The following TTLL6 variants were observed in gnomAD, a reference collection of about 807,000 sequenced individuals.
TTLL6 encodes the protein tubulin tyrosine ligase like 6.
A neutral mutation model predicts 96.4 loss-of-function variants in TTLL6; 75 were observed. The ratio of observed to expected loss-of-function variants is 0.78; its 90% CI spans 0.65 to 0.94. The LOEUF (loss-of-function observed/expected upper bound fraction) is 0.94, where lower values mean the gene tolerates loss of function less well. Ranked by LOEUF, TTLL6 falls within the 40% of genes least tolerant of loss-of-function variation. TTLL6 has a pLI of 0.00. For synonymous variants in TTLL6, 411 were observed against 419.4 expected (o/e 0.98, Z 0.24); for missense variants, 1,030 against 1,093.0 (o/e 0.94, Z 0.81).
chr17:48,816,797 G>A (rs1179098435), intron 1 of TTLL6, among the ~76,000 whole-genome samples, 173 bp downstream of exon 1: 1 of 152,202 alleles, frequency 6.6e-6, no homozygotes, highest in Non-Finnish European at 1.5e-5. Flanking sequence ...GGAGCCGAGG[G>A]ACCGTGAGGG....
chr17:48,787,697 C>T, intron 11 of TTLL6, 114 bp downstream of exon 11: 1 of 1,103,238 alleles, frequency 9.1e-7, no homozygotes. Context: ...CGCCTGGTTG[C>T]TCTGGCAACT....
At chr17:48,794,413 A>C in intron 8 of TTLL6, 7 of 1,437,456 alleles carry the variant, frequency 4.9e-6, no homozygotes, top group Non-Finnish European at 6.4e-6. Context: ...GTGGCAGGGC[A>C]GGGCAGGGAG....
intron 2 of TTLL6, chr17:48,804,293 C>G (rs77112924): frequency 3.8e-5 from 19 of 498,108 alleles, no homozygotes; most frequent in South Asian, 2.6e-4. Flanking sequence ...CTCTTCCCCC[C>G]ATTAAGGGAA....
intron 8 of TTLL6, chr17:48,794,395 C>G (rs557398226): frequency 6.8e-7 from 1 of 1,473,686 alleles, no homozygotes; most frequent in South Asian, 1.3e-5. Context: ...TCACAGAGAC[C>G]CTGTGAGGTG....
At chr17:48,770,371 T>C (rs1180086717) in intron 13 of TTLL6, among the ~76,000 whole-genome samples, 1 of 151,998 alleles carries the variant, frequency 6.6e-6, no homozygotes, top group African/African-American at 2.4e-5. Context: ...TAGAATAGTT[T>C]CCTCACCATG....
chr17:48,801,096 A>C (rs1409783247), intron 5 of TTLL6, among the ~76,000 whole-genome samples, 159 bp downstream of exon 5: 2 of 152,146 alleles, frequency 1.3e-5, no homozygotes, highest in Non-Finnish European at 2.9e-5. Context: ...GTGTTTTCTC[A>C]ACCTTGGACA....
At chr17:48,791,727 C>T (rs1447045095) in intron 8 of TTLL6, 124 bp from the exon 9 acceptor site, 1 of 767,278 alleles carries the variant, frequency 1.3e-6, no homozygotes, top group Non-Finnish European at 2.1e-6. Context: ...GATGAACGCC[C>T]AGGAACCAGG....
intron 5 of TTLL6, chr17:48,800,040 A>G (rs1032090827): frequency 2.6e-6 from 1 of 389,336 alleles, no homozygotes; most frequent in South Asian, 3.9e-5. Context: ...CAACTTCATC[A>G]TCTATACAGT....
chr17:48,790,135 C>T, intron 9 of TTLL6, 29 bp from the exon 10 acceptor site: 1 of 1,608,524 alleles, frequency 6.2e-7, no homozygotes. Context: ...CAGCTGGTGA[C>T]AAAGCCGTCC....
In TTLL6 at chr17:48,778,462, G is replaced by A. The variant is rs143443845; in HGVS notation, c.2040+6461C>T. On this transcript the variant is annotated intron_variant, in intron 13 of 15. Transcript: ENST00000393382. ...TAAATTTCCAGAATATATAAATTAAGTAATTCCCACAATGGAATAGTCAAA... is the reference window on the plus strand; with the variant it reads ...TAAATTTCCAGAATATATAAATTAAATAATTCCCACAATGGAATAGTCAAA... 2.4e-3 allele frequency among the ~76,000 whole-genome samples: 360 copies of A among 151,934 alleles called. 1 individual carries two copies. The highest frequency in any genetic ancestry group is 7.1e-3 in the African/African-American group (293 of 41,440).
chr17:48,789,945 A>G lies in TTLL6; in HGVS notation c.1386T>C (p.Cys462=), dbSNP rs779174598. The change falls in exon 10 of 16, where the codon TGT becomes TGC. Residue 462 remains cysteine, a synonymous_variant. Coordinates refer to ENST00000393382, the MANE Select transcript of TTLL6 (RefSeq NM_001130918.3). ...RQRGQFLQQC[C]SREMRIEEAK... ...TGCGAATGTACCTCATCTCCCGAGA[A>G]CAACACTGCTGCAGGAACTGCCCCC... 3.7e-6 allele frequency: 6 copies of G among 1,613,904 alleles called. No homozygotes were observed. The highest frequency in any genetic ancestry group is 4.5e-5 in the East Asian group (2 of 44,858).
intron 1 of TTLL6, among the ~76,000 whole-genome samples, chr17:48,808,395 T>TGTGTGC (rs1451231487): frequency 1.3e-5 from 2 of 152,030 alleles, no homozygotes; most frequent in Admixed American, 6.6e-5. Flanking sequence ...TGTGTGTGTG[T>TGTGTGC]GTGCACGTGC....
In TTLL6 at chr17:48,817,187, C is replaced by T. The variant is rs762752394; in HGVS notation, c.-115G>A. On this transcript the variant is annotated 5_prime_UTR_variant, in exon 1 of 16. Transcript: ENST00000393382. ...CTTCGATTGGCCCCTGCAGTAGCTG[C>T]CATGCCCCCTCCCTCCCGAATCCAA... 1.4e-5 allele frequency: 9 copies of T among 633,458 alleles called. No homozygotes were observed. Among genetic ancestry groups the T allele is most frequent in the Non-Finnish European group, 2.3e-5 (9 of 398,272 alleles). The allele number at this position is 633,458 out of a possible 1,614,324, so 39.2% of individuals were successfully genotyped here. A position where few individuals can be genotyped will look rare whatever the true frequency, so the allele number is the denominator to read the frequency against.
chr17:48,775,742 T>C (rs1216591799), intron 13 of TTLL6, among the ~76,000 whole-genome samples: 1 of 152,128 alleles, frequency 6.6e-6, no homozygotes, highest in South Asian at 2.1e-4. Flanking sequence ...GGTTTCTCCA[T>C]GTTGGTCAGG....
intron 14 of TTLL6, 40 bp from the exon 15 acceptor site, chr17:48,769,294 C>A (rs754195782): frequency 3.9e-6 from 6 of 1,549,792 alleles, no homozygotes; most frequent in Non-Finnish European, 5.2e-6. Context: ...ATTTGTGCTG[C>A]TGGATTCAGC....
chr17:48,802,074 AAGAAAAAGAAAGAAAG>A (rs2039427998), intron 3 of TTLL6, among the ~76,000 whole-genome samples: 2 of 133,872 alleles, frequency 1.5e-5, no homozygotes, highest in African/African-American at 5.6e-5. Flanking sequence ...AAAAGAAAGA[AAGAAAAAGAAAGAAAG>A]AAAGAAAGAA....
Position 48,769,914 on chromosome 17 carries a change from T to C in TTLL6, c.2224A>G (p.Lys742Glu). The C allele has an allele frequency of 2.5e-6, 4 of 1,614,202 alleles. No individual in the cohort carries two copies. The highest frequency in any genetic ancestry group is 3.4e-6 in the Non-Finnish European group (4 of 1,180,030). The change falls in exon 14 of 16, where the codon AAA becomes GAA. Residue 742 changes from lysine (K) to glutamate (E), a missense_variant. Physicochemically the swap from Lys to Glu is moderately conservative, Grantham distance 56. Transcript: ENST00000393382. ...PPHLTQKKMLKSFLPTKSKSF... is the reference protein window; with the variant it reads ...PPHLTQKKMLESFLPTKSKSF... ...TTGGATTTTGTGGGCAGAAAAGATT[T>C]TAACATTTTCTTCTGGGTTAAGTGT...
At chr17:48,811,695 C>CTTTTTTT (rs34983566) in intron 1 of TTLL6, among the ~76,000 whole-genome samples, 2 of 119,018 alleles carry the variant, frequency 1.7e-5, no homozygotes, top group African/African-American at 6.5e-5. Context: ...GAGCAGAAAG[C>CTTTTTTT]TTTTTTTTTT....
intron 8 of TTLL6, among the ~76,000 whole-genome samples, chr17:48,793,554 C>T (rs2039264886): frequency 6.6e-6 from 1 of 151,062 alleles, no homozygotes; most frequent in African/African-American, 2.4e-5. Flanking sequence ...GGGATCGCGC[C>T]ATTGCACTCC....
Sources: gnomAD v4.1 joint callset for allele counts (sites outside exome capture counted in the v4.1 genomes callset) on GRCh38, gnomAD v4.1.1 for gene constraint, MANE v1.5 for transcripts, NCBI Gene and HGNC (gene_info 2026-07-23, HGNC 2026-07-21) for gene names.